Variants in GPR84 observed in about 807,000 individuals in gnomAD.
GPR84 encodes the protein G protein-coupled receptor 84, also known as G-protein coupled receptor 84.
A neutral mutation model predicts 14.9 loss-of-function variants in GPR84; 8 were observed. The ratio of observed to expected loss-of-function variants is 0.54; its 90% CI spans 0.31 to 0.97. The LOEUF is 0.97. Among genes scored for constraint, GPR84 ranks in the 50% least tolerant of loss-of-function variants. The pLI, the probability that GPR84 is intolerant of heterozygous loss-of-function variation, is 0.04. For missense variants in GPR84, 424 were observed against 498.7 expected, an observed-to-expected ratio of 0.85 and a Z score of 1.43; for synonymous variants, 164 against 198.1, an observed-to-expected ratio of 0.83 and a Z score of 1.45.
At chr12:54,358,978 T>A (rs549393998), downstream of GPR84, among the ~76,000 whole-genome samples, 2 of 151,998 alleles carry the variant, frequency 1.3e-5, no homozygotes, top group Non-Finnish European at 2.9e-5. Flanking sequence ...TCAGACCCCA[T>A]CATCCCTTCA....
the GPR84 span, among the ~76,000 whole-genome samples, chr12:54,354,985 A>G: frequency 6.6e-6 from 1 of 152,034 alleles, no homozygotes; most frequent in Non-Finnish European, 1.5e-5. Context: ...CTGAGGTGGG[A>G]CTGAGGTAGG....
chr12:54,361,233 G>C (rs951564795), downstream of GPR84, among the ~76,000 whole-genome samples: 19 of 151,988 alleles, frequency 1.3e-4, no homozygotes, highest in African/African-American at 4.6e-4. The surrounding 1 kb of genome is among the most constrained non-coding windows in gnomAD (Gnocchi z 4.3). Context: ...CCAGGCCGGA[G>C]TGCAGTGGCG....
chr12:54,360,319 TA>T (rs1454223320), downstream of GPR84, among the ~76,000 whole-genome samples: 3 of 151,900 alleles, frequency 2.0e-5, no homozygotes, highest in African/African-American at 7.2e-5. Flanking sequence ...TTACATGAAA[TA>T]ATATATGTAC....
the GPR84 span, among the ~76,000 whole-genome samples, chr12:54,356,888 G>C: frequency 6.6e-6 from 1 of 152,222 alleles, no homozygotes; most frequent in African/African-American, 2.4e-5. Flanking sequence ...TGGATTGCAA[G>C]AGAATGGGAG....
At position 54,363,599 on chromosome 12, in the gene GPR84, G is replaced by A. The variant is rs773862237; in HGVS notation, c.253C>T (p.His85Tyr). The change falls in exon 2 of 2, where the codon CAC becomes TAC. Residue 85 changes from histidine (H) to tyrosine (Y), a missense_variant. Coordinates refer to ENST00000267015, the MANE Select transcript of GPR84 (RefSeq NM_020370.3). ...PFSVDTYLHL[H>Y]WRTGATFCRV... ...CAGAAGGTGGCACCGGTGCGCCAGT[G>A]CAGGTGGAGGTAGGTGTCCACAGAG... is the stretch of plus-strand genomic sequence containing the variant. 1.7e-5 allele frequency: 28 copies of A among 1,614,032 alleles called. No homozygotes were observed. Among genetic ancestry groups the A allele is most frequent in the Non-Finnish European group, 2.4e-5 (28 of 1,179,916 alleles).
downstream of GPR84, among the ~76,000 whole-genome samples, chr12:54,359,190 C>A (rs375271317): frequency 1.3e-5 from 2 of 152,138 alleles, no homozygotes; most frequent in Non-Finnish European, 2.9e-5. Context: ...GCTGCACCCC[C>A]CTCCCCGCGG....
Position 54,363,452 on chromosome 12 carries a change from C to G in GPR84, c.400G>C (p.Ala134Pro), listed in dbSNP as rs1267468347. The change falls in exon 2 of 2, where the codon GCC (alanine) becomes CCC (proline). Residue 134 changes from alanine to proline, a missense_variant. Ala to Pro is a conservative substitution (Grantham distance 27). Coordinates refer to ENST00000267015, the MANE Select transcript of GPR84 (RefSeq NM_020370.3). Reference sequence around the variant, plus strand: ...ACCAGTGCCAGCACTATCCCCTTGGCACTGAAAACTTGGGGAAAAAGCTTA... The same window carrying G: ...ACCAGTGCCAGCACTATCCCCTTGGGACTGAAAACTTGGGGAAAAAGCTTA... Reference protein sequence around the residue: ...HPKLFPQVFSAKGIVLALVST... With the variant: ...HPKLFPQVFSPKGIVLALVST... 6.2e-7 allele frequency: 1 copy of G among 1,614,068 alleles called. No homozygotes were observed. The highest frequency in any genetic ancestry group is 1.3e-5 in the African/African-American group (1 of 75,006).
At chr12:54,362,353 A>G, downstream of GPR84, 1 of 251,844 alleles carries the variant, frequency 4.0e-6, no homozygotes, top group African/African-American at 2.2e-5. This position sits in a 1 kb window ranked among gnomAD's most constrained non-coding sequence, Gnocchi z 4.0. Context: ...TTCGTCATGC[A>G]GGAGGGATGG....
At chr12:54,359,112 G>C (rs770360950), downstream of GPR84, among the ~76,000 whole-genome samples, 18 of 152,078 alleles carry the variant, frequency 1.2e-4, no homozygotes, top group Non-Finnish European at 1.2e-4. Flanking sequence ...GGAAAAAAGC[G>C]GGGGAGAGGA....
the GPR84 span, chr12:54,350,982 G>A: frequency 5.4e-6 from 1 of 184,336 alleles, no homozygotes; most frequent in Non-Finnish European, 1.2e-5. Flanking sequence ...AGTGGGGGCG[G>A]GGATGGGTAG....
At chr12:54,357,612 G>A (rs372956593), downstream of GPR84, among the ~76,000 whole-genome samples, 2 of 152,314 alleles carry the variant, frequency 1.3e-5, no homozygotes, top group African/African-American at 4.8e-5. Context: ...GCAGGTTGGA[G>A]GCCAAGACTC....
At chr12:54,352,053 G>C in the GPR84 span, among the ~76,000 whole-genome samples, 16 of 152,210 alleles carry the variant, frequency 1.1e-4, no homozygotes, top group Admixed American at 9.2e-4. Flanking sequence ...CGCCAGGGGT[G>C]GGGTGGGGAT....
At chr12:54,352,320 C>T in the GPR84 span, among the ~76,000 whole-genome samples, 1 of 152,162 alleles carries the variant, frequency 6.6e-6, no homozygotes. Flanking sequence ...ATTTCCCCGT[C>T]CCTCCAGAGC....
At chr12:54,353,141 G>C in the GPR84 span, among the ~76,000 whole-genome samples, 10 of 152,166 alleles carry the variant, frequency 6.6e-5, no homozygotes, top group African/African-American at 2.4e-4. Flanking sequence ...TGGAACTTTG[G>C]TGCCCTGGCC....
the GPR84 span, chr12:54,350,756 C>G: frequency 1.7e-6 from 1 of 578,010 alleles, no homozygotes; most frequent in East Asian, 2.8e-5. Flanking sequence ...GATAATAGGG[C>G]AGGGGAAGCA....
chr12:54,363,361 A>G lies in GPR84; in HGVS notation c.491T>C (p.Val164Ala), dbSNP rs570586039. 6 of 1,613,814 alleles carry G rather than the reference A, an allele frequency of 3.7e-6. No homozygotes were observed. The highest frequency in any genetic ancestry group is 2.2e-5 in the South Asian group (2 of 91,074). ...PLWPIYILVP[V>A]VCTCSFDRIR... ...GCGGTCAAAGCTGCAGGTGCAGACT[A>G]CAGGTACCAGGATATAAATAGGCCA... Residue 164 changes from valine to alanine, a missense_variant, in exon 2 of 2, where the codon GTA (valine) becomes GCA (alanine). Coordinates refer to ENST00000267015, the MANE Select transcript of GPR84 (RefSeq NM_020370.3).
downstream of GPR84, among the ~76,000 whole-genome samples, chr12:54,361,325 G>GCAC (rs1954266477): frequency 6.6e-6 from 1 of 151,780 alleles, no homozygotes; most frequent in Non-Finnish European, 1.5e-5. The surrounding 1 kb of genome is among the most constrained non-coding windows in gnomAD (Gnocchi z 4.3). Context: ...GGGATTACAG[G>GCAC]CACCCGCCAT....
Position 54,363,771 on chromosome 12 carries a change from C to A in GPR84, c.81G>T (p.Gly27=). The change falls in exon 2 of 2, where the codon GGG becomes GGT. Residue 27 remains glycine (G), a synonymous_variant. Coordinates refer to ENST00000267015, the MANE Select transcript of GPR84 (RefSeq NM_020370.3). ...LGYRYVAVSW[G]VVVAVTGTVG... ...CGGTGCCTGTCACAGCCACCACCAC[C>A]CCCCAGCTAACTGCAACATAACGAT... 1 of 1,613,618 alleles carries A rather than the reference C, an allele frequency of 6.2e-7. No individual in the cohort carries two copies. Among genetic ancestry groups the A allele is most frequent in the East Asian group, 2.2e-5 (1 of 44,880 alleles).
the GPR84 span, among the ~76,000 whole-genome samples, chr12:54,357,012 A>G: frequency 6.6e-6 from 1 of 152,276 alleles, no homozygotes; most frequent in African/African-American, 2.4e-5. Flanking sequence ...CCCCAGTTGA[A>G]GAGGCAGATT....
Sources: allele counts gnomAD v4.1 joint callset (sites outside exome capture counted in the v4.1 genomes callset), GRCh38; gene constraint gnomAD v4.1.1; non-coding constraint Gnocchi (gnomAD v3.1); transcripts MANE v1.5; gene names NCBI Gene and HGNC (gene_info 2026-07-23, HGNC 2026-07-21).